ZNF438: variants seen among roughly 807,000 people sequenced by gnomAD.
ZNF438 encodes the protein zinc finger protein 438.
In ZNF438, 25 loss-of-function variants were observed where a neutral mutation model predicts 38.0. The ratio of observed to expected loss-of-function variants is 0.66; its 90% CI spans 0.48 to 0.92. The LOEUF (loss-of-function observed/expected upper bound fraction) is 0.92. Ranked by LOEUF, ZNF438 falls within the 40% of genes least tolerant of loss-of-function variation. The pLI is 0.00. For missense variants in ZNF438, 1,007 were observed against 999.6 expected, an observed-to-expected ratio of 1.01 and a Z score of -0.10; for synonymous variants, 372 against 364.1, an observed-to-expected ratio of 1.02 and a Z score of -0.25.
intron 1 of ZNF438, among the ~76,000 whole-genome samples, chr10:30,987,077 A>G (rs558423849): frequency 1.5e-4 from 23 of 152,306 alleles, no homozygotes; most frequent in Admixed American, 1.2e-3. Flanking sequence ...TGGGGGAAAC[A>G]TATTTTACAA....
chr10:30,948,808 C>G (rs1313822395), intron 1 of ZNF438, among the ~76,000 whole-genome samples: 5 of 150,358 alleles, frequency 3.3e-5, no homozygotes, highest in African/African-American at 1.2e-4. Flanking sequence ...AGAATGGAAC[C>G]AAGTTGGAAA....
chr10:30,989,501 G>T (rs2053236349), intron 1 of ZNF438, among the ~76,000 whole-genome samples: 1 of 152,172 alleles, frequency 6.6e-6, no homozygotes, highest in Non-Finnish European at 1.5e-5. Flanking sequence ...TTAGCTTTCA[G>T]AGAACAGGGA....
intron 1 of ZNF438, among the ~76,000 whole-genome samples, chr10:30,979,635 C>T (rs2051868256): frequency 1.3e-5 from 2 of 152,202 alleles, no homozygotes; most frequent in Admixed American, 1.3e-4. Context: ...TGATCTTTGA[C>T]ATATCTGGAC....
rs1056305903 is a variant in ZNF438 at position 30,883,424 on chromosome 10, T to C, written c.-31-6359A>G. Among the ~76,000 whole-genome samples the C allele has an allele frequency of 5.3e-5, 8 of 152,282 alleles. No homozygotes were observed. In the South Asian group the frequency reaches 1.5e-3, roughly 28 times the overall value. On this transcript the variant is annotated intron_variant, in intron 3 of 5. Coordinates refer to ENST00000413025, the Ensembl canonical transcript of ZNF438. ...CCATCATCATTATCATCATCCTCAT[T>C]ACCTTTAAAGAAATGTTAAGGGTGC...
intron 2 of ZNF438, among the ~76,000 whole-genome samples, chr10:30,912,102 C>A (rs963410963): frequency 6.6e-6 from 1 of 152,140 alleles, no homozygotes; most frequent in African/African-American, 2.4e-5. Flanking sequence ...TTTGGCCCCA[C>A]ATCTCCCTCC....
In ZNF438 at chr10:30,850,880, G is replaced by A. The variant is rs367843796; in HGVS notation, c.38-513C>T. The stretch of plus-strand genomic sequence containing the variant: ...ACTGTATCCTTTGTATAAAACAAGC[G>A]CTTCTTGTATCAAACTCATTTTTCA... On this transcript the variant is annotated intron_variant, in intron 4 of 5. Transcript: ENST00000413025. Among the ~76,000 whole-genome samples the A allele has an allele frequency of 5.3e-5, 8 of 152,206 alleles. No individual in the cohort carries two copies. In the East Asian group the frequency reaches 9.7e-4, roughly 18 times the overall value.
intron 4 of ZNF438, among the ~76,000 whole-genome samples, chr10:30,854,541 A>AG (rs1484637806): frequency 1.3e-5 from 2 of 152,228 alleles, no homozygotes; most frequent in Admixed American, 6.5e-5. Flanking sequence ...GGGGAAAAAA[A>AG]GAACACAATT....
At chr10:30,872,029 A>G (rs2037490222) in intron 4 of ZNF438, among the ~76,000 whole-genome samples, 1 of 152,208 alleles carries the variant, frequency 6.6e-6, no homozygotes, top group African/African-American at 2.4e-5. Flanking sequence ...ACTGTATAAG[A>G]AAACTTTTCT....
At chr10:30,900,693 T>C (rs552425557) in intron 3 of ZNF438, among the ~76,000 whole-genome samples, 8 of 152,268 alleles carry the variant, frequency 5.3e-5, no homozygotes, top group African/African-American at 1.4e-4. Context: ...GGAGCTGAGG[T>C]TTGAAGACAC....
At chr10:30,884,551 C>T (rs2039703155) in intron 3 of ZNF438, among the ~76,000 whole-genome samples, 1 of 152,052 alleles carries the variant, frequency 6.6e-6, no homozygotes, top group African/African-American at 2.4e-5. Context: ...AAAATTATAA[C>T]CTGACTTTTC....
intron 1 of ZNF438, among the ~76,000 whole-genome samples, chr10:31,026,287 TA>T (rs1290909334): frequency 4.6e-5 from 7 of 152,016 alleles, no homozygotes; most frequent in African/African-American, 1.5e-4. Context: ...GAAACTACCA[TA>T]AAGAGTGAAC....
intron 1 of ZNF438, among the ~76,000 whole-genome samples, chr10:30,985,298 G>A (rs2052646112): frequency 6.6e-6 from 1 of 152,164 alleles, no homozygotes; most frequent in Admixed American, 6.5e-5. Context: ...CGGATTTAAT[G>A]AAAGCAGACA....
intron 3 of ZNF438, among the ~76,000 whole-genome samples, chr10:30,897,921 A>G (rs1482254806): frequency 3.3e-5 from 5 of 152,150 alleles, no homozygotes; most frequent in African/African-American, 1.2e-4. Context: ...ACAGCATTAA[A>G]CTTGAAACTG....
chr10:30,881,377 C>A (rs985525636), intron 3 of ZNF438, among the ~76,000 whole-genome samples: 3 of 151,930 alleles, frequency 2.0e-5, no homozygotes, highest in Non-Finnish European at 4.4e-5. Flanking sequence ...AATTGAGACA[C>A]CATTTATAAC....
Position 31,008,392 on chromosome 10 carries a change from T to C in ZNF438, c.-192+23441A>G, listed in dbSNP as rs141643948. On this transcript the variant is annotated intron_variant, in intron 1 of 5. Transcript: ENST00000413025. ...CCACAATCACCGCAACTTTAGAACATTTTTATCATCCCAAAATGAAACTCC... is the reference window on the plus strand; with the variant it reads ...CCACAATCACCGCAACTTTAGAACACTTTTATCATCCCAAAATGAAACTCC... 3.8e-3 allele frequency among the ~76,000 whole-genome samples: 572 copies of C among 152,302 alleles called. 4 individuals are homozygous for C. Among genetic ancestry groups the C allele is most frequent in the Non-Finnish European group, 6.0e-3 (408 of 68,004 alleles).
At chr10:30,892,675 C>T (rs1412568820) in intron 3 of ZNF438, among the ~76,000 whole-genome samples, 5 of 152,086 alleles carry the variant, frequency 3.3e-5, no homozygotes, top group Non-Finnish European at 7.4e-5. Context: ...TCCTCAGAGG[C>T]AACGGCTCAA....
At chr10:30,891,801 A>G (rs1223922870) in intron 3 of ZNF438, among the ~76,000 whole-genome samples, 3 of 152,158 alleles carry the variant, frequency 2.0e-5, no homozygotes, top group East Asian at 3.8e-4. Flanking sequence ...TATTTGTTCA[A>G]ATGTCTAGGA....
chr10:30,941,967 C>T (rs1235756508), intron 1 of ZNF438, among the ~76,000 whole-genome samples: 1 of 152,156 alleles, frequency 6.6e-6, no homozygotes, highest in Non-Finnish European at 1.5e-5. Context: ...CATTTGTGCC[C>T]TACTCAGTAT....
chr10:31,023,697 T>C lies in ZNF438; in HGVS notation c.-192+8136A>G, dbSNP rs113323704. 3.2e-3 allele frequency among the ~76,000 whole-genome samples: 482 copies of C among 152,206 alleles called. 2 individuals are homozygous for C. Among genetic ancestry groups the C allele is most frequent in the African/African-American group, 0.011 (471 of 41,564 alleles). ...AAGTAACCACAAAACCAGTTTTAAA[T>C]CTACCCCAGTCAATCCATCCTTAAA... On this transcript the variant is annotated intron_variant, in intron 1 of 5. Coordinates refer to ENST00000413025, the Ensembl canonical transcript of ZNF438.
Sources: gnomAD v4.1 joint callset for allele counts (sites outside exome capture counted in the v4.1 genomes callset) on GRCh38, gnomAD v4.1.1 for gene constraint, MANE v1.5 for transcripts, NCBI Gene and HGNC (gene_info 2026-07-23, HGNC 2026-07-21) for gene names.